NAV3: variants seen among roughly 807,000 people sequenced by gnomAD.
The protein encoded by NAV3 is pore membrane and/or filament interacting like protein 1.
In NAV3, 87 loss-of-function variants were observed where a neutral mutation model predicts 244.7. The ratio of observed to expected loss-of-function variants is 0.36; its 90% CI spans 0.30 to 0.42. The LOEUF is 0.42. Ranked by LOEUF, NAV3 falls within the 20% of genes least tolerant of loss-of-function variation. NAV3 has a pLI of 1.00. For missense variants in NAV3, 2,663 were observed against 2,893.3 expected (o/e 0.92, Z 1.83); for synonymous variants, 1,126 against 1,042.2 (o/e 1.08, Z -1.55).
chr12:78,048,855 T>G (rs892362035), intron 9 of NAV3, among the ~76,000 whole-genome samples: 1 of 152,088 alleles, frequency 6.6e-6, no homozygotes, highest in Non-Finnish European at 1.5e-5. Flanking sequence ...CCCAGGGAGA[T>G]GAGAGTTTTA....
intron 2 of NAV3, among the ~76,000 whole-genome samples, chr12:77,634,126 A>AT (rs5799341): frequency 0.74 from 110,341 of 149,402 alleles, 40,846 homozygotes; most frequent in East Asian, 0.96. Context: ...CAAATCTCCC[A>AT]TTTTTTTTTT....
At chr12:77,712,536 G>T (rs528847596) in intron 2 of NAV3, among the ~76,000 whole-genome samples, 62 of 152,112 alleles carry the variant, frequency 4.1e-4, no homozygotes, top group Admixed American at 7.9e-4. Flanking sequence ...TTAGAAATGA[G>T]ATTTCAATAA....
At chr12:78,112,611 T>G (rs1233656081) in intron 12 of NAV3, among the ~76,000 whole-genome samples, 2 of 152,050 alleles carry the variant, frequency 1.3e-5, no homozygotes, top group African/African-American at 2.4e-5. Flanking sequence ...AAGAACACAA[T>G]TAGAGTAACT....
intron 2 of NAV3, among the ~76,000 whole-genome samples, chr12:77,755,585 C>CCTTTCCTTTCCTTTCCTTTCCTTT (rs1565800367): frequency 7.4e-5 from 1 of 13,530 alleles, no homozygotes; most frequent in African/African-American, 7.7e-4. Flanking sequence ...TTCCTTTCCT[C>CCTTTCCTTTCCTTTCCTTTCCTTT]CCTCCCTCCC....
intron 9 of NAV3, among the ~76,000 whole-genome samples, chr12:78,023,630 G>A (rs973535119): frequency 6.6e-6 from 1 of 152,154 alleles, no homozygotes; most frequent in African/African-American, 2.4e-5. Flanking sequence ...TAGTGAAAAT[G>A]TCTCTCGTTG....
intron 2 of NAV3, among the ~76,000 whole-genome samples, chr12:77,699,172 A>G (rs764128946): frequency 6.6e-6 from 1 of 152,136 alleles, no homozygotes; most frequent in Non-Finnish European, 1.5e-5. Context: ...ACATGAAGCA[A>G]TAGAAGACAC....
At chr12:77,886,175 C>G (rs1883265836) in intron 1 of NAV3, among the ~76,000 whole-genome samples, 1 of 152,148 alleles carries the variant, frequency 6.6e-6, no homozygotes, top group Admixed American at 6.6e-5. Context: ...TGAATGCTCT[C>G]TATAGCCGCA....
chr12:77,603,476 C>G (rs1222689361), intron 2 of NAV3, among the ~76,000 whole-genome samples: 5 of 148,160 alleles, frequency 3.4e-5, no homozygotes, highest in Non-Finnish European at 7.5e-5. Flanking sequence ...AAGGTAATAA[C>G]TAAGATTAGG....
At chr12:77,621,989 CAT>C (rs1196857606) in intron 2 of NAV3, among the ~76,000 whole-genome samples, 1 of 152,058 alleles carries the variant, frequency 6.6e-6, no homozygotes, top group African/African-American at 2.4e-5. Flanking sequence ...GGATGGTAGA[CAT>C]ATTTAAATTT....
chr12:78,092,981 G>A (rs1954044632), intron 12 of NAV3, among the ~76,000 whole-genome samples: 1 of 152,092 alleles, frequency 6.6e-6, no homozygotes, highest in African/African-American at 2.4e-5. Context: ...ATCCTCTGGG[G>A]AAACACGCCA....
chr12:77,737,762 C>T (rs1225022010), intron 2 of NAV3, among the ~76,000 whole-genome samples: 1 of 152,152 alleles, frequency 6.6e-6, no homozygotes, highest in Non-Finnish European at 1.5e-5. Context: ...AACAGTTGGT[C>T]TACCTTCCAC....
intron 23 of NAV3, among the ~76,000 whole-genome samples, chr12:78,165,954 C>A (rs1423793519): frequency 7.9e-6 from 1 of 127,364 alleles, no homozygotes. Flanking sequence ...ACTAGGTGAT[C>A]AGACACCCTC....
chr12:77,902,608 C>G (rs1787164146), intron 1 of NAV3, among the ~76,000 whole-genome samples: 2 of 152,128 alleles, frequency 1.3e-5, no homozygotes, highest in African/African-American at 4.8e-5. Flanking sequence ...TCTCTCACCA[C>G]TCCTATTCAA....
chr12:77,792,571 G>C (rs2135947231), intron 2 of NAV3, among the ~76,000 whole-genome samples: 1 of 152,296 alleles, frequency 6.6e-6, no homozygotes, highest in East Asian at 1.9e-4. Flanking sequence ...ATGGCTAAGG[G>C]ATACCACGAG....
At chr12:77,903,844 A>G (rs900678070) in intron 1 of NAV3, among the ~76,000 whole-genome samples, 16 of 152,350 alleles carry the variant, frequency 1.1e-4, no homozygotes, top group African/African-American at 3.8e-4. Context: ...GGATATGAAC[A>G]GGCACTTCTC....
At chr12:77,883,088 A>C (rs539898508) in intron 1 of NAV3, among the ~76,000 whole-genome samples, 1 of 152,132 alleles carries the variant, frequency 6.6e-6, no homozygotes, top group Non-Finnish European at 1.5e-5. Flanking sequence ...ATTGCTGGTT[A>C]TACACTCAAA....
intron 2 of NAV3, among the ~76,000 whole-genome samples, chr12:77,816,446 T>C (rs1279443927): frequency 1.3e-5 from 2 of 152,226 alleles, no homozygotes; most frequent in African/African-American, 4.8e-5. Flanking sequence ...GTCATTTGAC[T>C]CTCTTTCCTT....
At chr12:77,763,315 A>G (rs986288731) in intron 2 of NAV3, among the ~76,000 whole-genome samples, 2 of 152,190 alleles carry the variant, frequency 1.3e-5, no homozygotes, top group African/African-American at 4.8e-5. Context: ...GCCTCTGAGG[A>G]GTAGGTAAAT....
chr12:77,843,618 A>G (rs2049583), intron 1 of NAV3, among the ~76,000 whole-genome samples: 37,648 of 151,584 alleles, frequency 0.25, 5,547 homozygotes, highest in East Asian at 0.4. Context: ...ATTCCTATTC[A>G]ATATTACCTA....
Sources: allele counts gnomAD v4.1 joint callset (sites outside exome capture counted in the v4.1 genomes callset), GRCh38; gene constraint gnomAD v4.1.1; transcripts MANE v1.5; gene names NCBI Gene and HGNC (gene_info 2026-07-23, HGNC 2026-07-21).